Variants in ACTR2 observed in about 807,000 individuals in gnomAD.
ACTR2 encodes actin-related protein 2.
Under a neutral mutation model 50.2 loss-of-function variants are expected in ACTR2, and 5 were observed. That is an observed-to-expected ratio of 0.10 (90% CI 0.05 to 0.21). The LOEUF is 0.21. Among genes scored for constraint, ACTR2 ranks in the 10% least tolerant of loss-of-function variants. ACTR2 has a pLI of 1.00. For missense variants in ACTR2, 180 were observed against 480.6 expected (o/e 0.37, Z 5.85); for synonymous variants, 140 against 162.9 (o/e 0.86, Z 1.07).
At chr2:65,228,753 C>T (rs1341526420) in intron 1 of ACTR2, among the ~76,000 whole-genome samples, 1 of 152,140 alleles carries the variant, frequency 6.6e-6, no homozygotes, top group Non-Finnish European at 1.5e-5. Flanking sequence ...TAATGTTAGC[C>T]TTTAAGATTC....
chr2:65,242,161 T>G (rs2103992109), intron 2 of ACTR2: 1 of 815,856 alleles, frequency 1.2e-6, no homozygotes, highest in Non-Finnish European at 2.0e-6. Context: ...GGAGGGGGGG[T>G]TATTTCCATA....
At chr2:65,245,108 T>G (rs1671911854) in intron 2 of ACTR2, among the ~76,000 whole-genome samples, 1 of 152,180 alleles carries the variant, frequency 6.6e-6, no homozygotes, top group Admixed American at 6.6e-5. Context: ...TTTTAGTGGA[T>G]TTTCCAGAGA....
At position 65,270,992 on chromosome 2, in the gene ACTR2, T is replaced by C. The variant is rs1366732002; in HGVS notation, c.*2258T>C. 1.3e-5 allele frequency: 2 copies of C among 152,292 alleles called. No individual in the cohort carries two copies. The highest frequency in any genetic ancestry group is 4.1e-4 in the South Asian group (2 of 4,828). 9.4% of individuals were successfully genotyped at this position (152,292 alleles called of 1,614,324 possible). ...ATTTCCAATAATTAAAAATTTAAAA[T>C]TTTTAAATTAGAATTGCCAATACTT... On this transcript the variant is annotated 3_prime_UTR_variant, in exon 9 of 9. Transcript: ENST00000260641.
At chr2:65,228,046 C>T (rs1050120040) in intron 1 of ACTR2, 89 bp downstream of exon 1, 5 of 1,265,466 alleles carry the variant, frequency 4.0e-6, no homozygotes, top group Non-Finnish European at 5.2e-6. Flanking sequence ...CAGGGCTGCA[C>T]CTCCGGGCCC....
At chr2:65,242,826 T>C (rs1671866817) in intron 2 of ACTR2, among the ~76,000 whole-genome samples, 1 of 152,220 alleles carries the variant, frequency 6.6e-6, no homozygotes, top group Non-Finnish European at 1.5e-5. Flanking sequence ...ATATTGTTTG[T>C]AAGAATCTCT....
intron 8 of ACTR2, among the ~76,000 whole-genome samples, chr2:65,266,199 A>G (rs1221022358): frequency 6.6e-6 from 1 of 152,218 alleles, no homozygotes; most frequent in East Asian, 1.9e-4. Flanking sequence ...ATTAGTGGTA[A>G]TAAGTGATAT....
intron 2 of ACTR2, 58 bp from the exon 3 acceptor site, chr2:65,246,466 C>T: frequency 2.3e-5 from 27 of 1,177,684 alleles, no homozygotes; most frequent in East Asian, 5.1e-5. Flanking sequence ...TAATTATTCC[C>T]AAGTTTTCTT....
intron 2 of ACTR2, among the ~76,000 whole-genome samples, chr2:65,245,242 A>G (rs1477698782): frequency 2.0e-5 from 3 of 151,598 alleles, no homozygotes; most frequent in African/African-American, 7.3e-5. Context: ...CATGTTGGCC[A>G]GGTGTGGTGG....
chr2:65,249,009 T>C (rs2104000089), intron 3 of ACTR2, among the ~76,000 whole-genome samples: 1 of 148,758 alleles, frequency 6.7e-6, no homozygotes, highest in African/African-American at 2.4e-5. Context: ...CGAGACTCTG[T>C]CTCAAAAAGA....
intron 2 of ACTR2, among the ~76,000 whole-genome samples, chr2:65,240,680 G>C (rs1671824115): frequency 6.6e-6 from 1 of 152,212 alleles, no homozygotes; most frequent in South Asian, 2.1e-4. Context: ...GAGGACAGTA[G>C]TCACCAGTTG....
In ACTR2 at chr2:65,265,165, A is replaced by G. The variant is rs1039456703; in HGVS notation, c.1004A>G (p.Glu335Gly). 1 of 1,614,220 alleles carries G rather than the reference A, an allele frequency of 6.2e-7. No individual in the cohort carries two copies. The highest frequency in any genetic ancestry group is 8.5e-7 in the Non-Finnish European group (1 of 1,180,020). Residue 335 changes from glutamate (E) to glycine (G), a missense_variant, in exon 8 of 9, where the codon GAA (glutamate) becomes GGA (glycine). By Grantham distance (98) the Glu-to-Gly change is moderately conservative. Transcript: ENST00000260641. ...GAACGAGTTTTGAAGGGTGATGTGGAAAAACTTTCTGTAAGTATTAGTAAA... is the reference window on the plus strand; with the variant it reads ...GAACGAGTTTTGAAGGGTGATGTGGGAAAACTTTCTGTAAGTATTAGTAAA... ...YLERVLKGDVEKLSKFKIRIE... is the reference protein window; with the variant it reads ...YLERVLKGDVGKLSKFKIRIE...
At chr2:65,250,029 G>A (rs541793688) in intron 3 of ACTR2, among the ~76,000 whole-genome samples, 8 of 152,200 alleles carry the variant, frequency 5.3e-5, no homozygotes, top group East Asian at 3.9e-4. Flanking sequence ...GAGGGGGTAC[G>A]AGGCTCTGTA....
intron 6 of ACTR2, among the ~76,000 whole-genome samples, chr2:65,258,205 A>C (rs980343782): frequency 1.3e-5 from 2 of 152,182 alleles, no homozygotes; most frequent in African/African-American, 4.8e-5. Flanking sequence ...GCAAAAGATA[A>C]GCAAACTAGG....
In ACTR2 at chr2:65,251,046, A is replaced by G. The variant is rs372547974; in HGVS notation, c.395A>G (p.Gln132Arg). 1.2e-6 allele frequency: 2 copies of G among 1,605,624 alleles called. No homozygotes were observed. The highest frequency in any genetic ancestry group is 1.7e-4 in the Middle Eastern group (1 of 6,038). ...TTACAGGTAATGTTTGAAACTTACC[A>G]GTTTTCCGGTGTATATGTAGCCATC... ...KIVEVMFETY[Q>R]FSGVYVAIQA... is the part of the protein sequence containing the mutation. Residue 132 changes from glutamine to arginine, a missense_variant, in exon 4 of 9, where the codon CAG becomes CGG. Physicochemically the swap from Gln to Arg is conservative, Grantham distance 43. Coordinates refer to ENST00000260641, the MANE Select transcript of ACTR2 (RefSeq NM_005722.4).
At chr2:65,244,435 A>T (rs1181103989) in intron 2 of ACTR2, among the ~76,000 whole-genome samples, 1 of 152,234 alleles carries the variant, frequency 6.6e-6, no homozygotes, top group Non-Finnish European at 1.5e-5. Context: ...TTTTACAATG[A>T]AACTTGTATA....
At chr2:65,253,032 G>C (rs1420122591) in intron 4 of ACTR2, among the ~76,000 whole-genome samples, 1 of 152,150 alleles carries the variant, frequency 6.6e-6, no homozygotes, top group Non-Finnish European at 1.5e-5. Flanking sequence ...ATTTTTCTTA[G>C]ATTTCTAGCT....
At chr2:65,230,232 A>C (rs1671609174) in intron 1 of ACTR2, among the ~76,000 whole-genome samples, 2 of 152,258 alleles carry the variant, frequency 1.3e-5, no homozygotes, top group South Asian at 4.1e-4. Context: ...AAACTTTAAA[A>C]ATTGAATTTA....
intron 3 of ACTR2, among the ~76,000 whole-genome samples, chr2:65,247,909 T>A (rs1671968965): frequency 6.6e-6 from 1 of 152,130 alleles, no homozygotes; most frequent in African/African-American, 2.4e-5. Flanking sequence ...AGGTGATGTT[T>A]AAACAGACAG....
In ACTR2 at chr2:65,268,699, C is replaced by G. The variant is rs368220890; in HGVS notation, c.1150C>G (p.Arg384Gly). ...ACAAGAGTACCAAGAAAAGGGTGTCCGTGTGCTAGAGAAACTTGGTGTGAC... is the reference window on the plus strand; with the variant it reads ...ACAAGAGTACCAAGAAAAGGGTGTCGGTGTGCTAGAGAAACTTGGTGTGAC... ...TRQEYQEKGV[R>G]VLEKLGVTVR Residue 384 changes from arginine (R) to glycine (G), a missense_variant, in exon 9 of 9, where the codon CGT (arginine) becomes GGT (glycine). By Grantham distance (125) the Arg-to-Gly change is moderately radical. Coordinates refer to ENST00000260641, the MANE Select transcript of ACTR2 (RefSeq NM_005722.4). 1.9e-6 allele frequency: 3 copies of G among 1,613,750 alleles called. No homozygotes were observed. In the African/African-American group the frequency reaches 4.0e-5, roughly 22 times the overall value.
Sources: gnomAD v4.1 joint callset for allele counts (sites outside exome capture counted in the v4.1 genomes callset) on GRCh38, gnomAD v4.1.1 for gene constraint, MANE v1.5 for transcripts, NCBI Gene and HGNC (gene_info 2026-07-23, HGNC 2026-07-21) for gene names.